Variants in ZNF117 observed in about 807,000 individuals in gnomAD.
ZNF117 encodes the protein Krueppel-related zinc finger protein.
ZNF117 carries 37 observed loss-of-function variants against 41.2 expected under a neutral mutation model. That is an observed-to-expected ratio of 0.90 (90% CI 0.69 to 1.18). The LOEUF (loss-of-function observed/expected upper bound fraction) is 1.18, where lower values mean the gene tolerates loss of function less well. ZNF117 is among the 50% of genes most tolerant of loss of function. The pLI, the probability that ZNF117 is intolerant of heterozygous loss-of-function variation, is 0.00. For missense variants in ZNF117, 546 were observed against 557.5 expected (o/e 0.98, Z 0.21); for synonymous variants, 186 against 186.6 (o/e 1.00, Z 0.02).
rs372156794 is a variant in ZNF117, at chr7:64,978,457, G to C, written c.1114C>G (p.Gln372Glu). The change falls in exon 3 of 3, where the codon CAG (glutamine) becomes GAG (glutamate). Residue 372 changes from glutamine (Q) to glutamate (E), a missense_variant. Transcript: ENST00000620222. ...TTATGTGTATTAAGGGCTGAGGACT[G>C]GTTAAAGGCTTTGCCACATTCTCCA... 6.3e-5 allele frequency: 102 copies of C among 1,612,174 alleles called. No homozygotes were observed. Among genetic ancestry groups the C allele is most frequent in the Middle Eastern group, 1.6e-4 (1 of 6,064 alleles).
chr7:64,978,454 A>G (rs765386557), exon 3 of ZNF117: 1 of 1,610,798 alleles, frequency 6.2e-7, no homozygotes, highest in Non-Finnish European at 8.5e-7. Flanking sequence ...AGGGCTGAGG[A>G]CTGGTTAAAG....
rs950760039 is a variant in ZNF117, at chr7:64,981,103, C to CAA, written c.34+282_34+283dup. 16 of 340,412 alleles carry CAA rather than the reference C, an allele frequency of 4.7e-5. 1 individual carries two copies. The highest frequency in any genetic ancestry group is 2.9e-4 in the African/African-American group (13 of 45,410). The allele number at this position is 340,412 out of a possible 1,614,324, so 21.1% of individuals were successfully genotyped here. ...ATTTGTGTGTCCCCCAAAACAACAA[C>CAA]AAAAAAAAACCAGTCAGATTGTGCA... On this transcript the variant is annotated intron_variant, in intron 2 of 2. Coordinates refer to ENST00000620222, the Ensembl canonical transcript of ZNF117.
intron 1 of ZNF117, among the ~76,000 whole-genome samples, chr7:64,987,639 G>A (rs1786162103): frequency 6.6e-6 from 1 of 152,042 alleles, no homozygotes; most frequent in Admixed American, 6.6e-5. Flanking sequence ...AATAACTGTT[G>A]AAGTCTACTA....
chr7:64,989,705 A>C (rs534547775), intron 1 of ZNF117, among the ~76,000 whole-genome samples: 4 of 151,670 alleles, frequency 2.6e-5, no homozygotes, highest in African/African-American at 9.7e-5. Context: ...AAATATTTGC[A>C]AACTATGCTT....
At chr7:64,987,232 A>T (rs1057089597) in intron 1 of ZNF117, among the ~76,000 whole-genome samples, 40 of 152,320 alleles carry the variant, frequency 2.6e-4, no homozygotes, top group African/African-American at 9.6e-4. Flanking sequence ...CAGAAATAAA[A>T]AAGTTCTTTG....
chr7:64,989,446 TATATATATATA>T (rs1786206951), intron 1 of ZNF117, among the ~76,000 whole-genome samples: 1 of 5,346 alleles, frequency 1.9e-4, no homozygotes, highest in Admixed American at 1.4e-3. Flanking sequence ...CTTAAAATTA[TATATATATATA>T]TATATATATA....
upstream of ZNF117, among the ~76,000 whole-genome samples, chr7:64,983,795 T>A (rs1210411271): frequency 6.6e-6 from 1 of 152,124 alleles, no homozygotes; most frequent in East Asian, 1.9e-4. Flanking sequence ...CATGGGATAG[T>A]AATGGGGCCT....
At chr7:64,978,658 A>G in exon 3 of ZNF117, 1 of 1,612,710 alleles carries the variant, frequency 6.2e-7, no homozygotes. Flanking sequence ...TCACATTTGT[A>G]GGGCTTCTCT....
At chr7:64,981,341 C>T (rs1490920165) in intron 2 of ZNF117, 46 bp downstream of exon 3, 2 of 1,608,334 alleles carry the variant, frequency 1.2e-6, no homozygotes, top group South Asian at 1.1e-5. Context: ...TTCTCCTTGG[C>T]CTTTGACCTC....
At position 64,990,579 on chromosome 7, in the gene ZNF117, T is replaced by C. The variant is rs946154652; in HGVS notation, c.-828A>G. The C allele has an allele frequency of 6.6e-6, 1 of 152,334 alleles. No homozygotes were observed. Among genetic ancestry groups the C allele is most frequent in the South Asian group, 2.1e-4 (1 of 4,852 alleles). The allele number at this position is 152,334 out of a possible 1,614,324, so 9.4% of individuals were successfully genotyped here. On this transcript the variant is annotated 5_prime_UTR_variant, in exon 1 of 4. It removes an upstream start codon present in the reference 5' UTR. Transcript: ENST00000282869. ...AGGTTTTACAACAGGATTTGCAACA[T>C]GAGCCTACCTTACTTAAACATGTCT...
exon 3 of ZNF117, chr7:64,979,103 C>G (rs753172037): frequency 1.2e-6 from 2 of 1,612,786 alleles, no homozygotes; most frequent in East Asian, 2.2e-5. Flanking sequence ...TATGAATTCT[C>G]TTATGTTTAT....
At chr7:64,989,768 T>A (rs557946533) in intron 1 of ZNF117, among the ~76,000 whole-genome samples, 179 bp downstream of exon 1, 87 of 45,752 alleles carry the variant, frequency 1.9e-3, no homozygotes, top group East Asian at 0.01. Flanking sequence ...AAATTTATTT[T>A]AAAAAAAAAG....
chr7:64,984,443 G>A (rs1299262788), upstream of ZNF117, among the ~76,000 whole-genome samples: 1 of 152,130 alleles, frequency 6.6e-6, no homozygotes, highest in Non-Finnish European at 1.5e-5. Context: ...TTCATATAGT[G>A]GAATACATTT....
At chr7:64,987,106 C>A (rs1238485414), upstream of ZNF117, among the ~76,000 whole-genome samples, 1 of 152,106 alleles carries the variant, frequency 6.6e-6, no homozygotes, top group African/African-American at 2.4e-5. Context: ...CACACTCTGA[C>A]CACAACTTGA....
chr7:64,976,313 G>A (rs1334646814), exon 3 of ZNF117: 1 of 152,864 alleles, frequency 6.5e-6, no homozygotes, highest in African/African-American at 2.4e-5. Flanking sequence ...GTGGTGGTGT[G>A]TGCCTGTAGT....
In ZNF117 at chr7:64,982,062, A is replaced by T. The variant is rs1786045017; in HGVS notation, c.-141T>A. The stretch of plus-strand genomic sequence containing the variant: ...AAATTCTGCTGTGCAGTGTCCAGGC[A>T]TTGCCACTCCTCCAAAGAGAATTCT... On this transcript the variant is annotated 5_prime_UTR_variant, in exon 1 of 3. The change abolishes an upstream ATG in the 5' untranslated region. Coordinates refer to ENST00000620222, the Ensembl canonical transcript of ZNF117. 2 of 950,976 alleles carry T rather than the reference A, an allele frequency of 2.1e-6. No homozygotes were observed. The highest frequency in any genetic ancestry group is 3.4e-6 in the Non-Finnish European group (2 of 594,244). The allele number at this position is 950,976 out of a possible 1,614,324, so 58.9% of individuals were successfully genotyped here. A position where few individuals can be genotyped will look rare whatever the true frequency, so the allele number is the denominator to read the frequency against.
At chr7:64,981,547 T>G in intron 1 of ZNF117, 65 bp from the exon 3 acceptor site, 1 of 1,321,620 alleles carries the variant, frequency 7.6e-7, no homozygotes, top group Non-Finnish European at 1.1e-6. Context: ...CTTGGTAATG[T>G]GCTCAGTAAA....
At chr7:64,988,383 A>G (rs995805708) in intron 1 of ZNF117, among the ~76,000 whole-genome samples, 1 of 152,220 alleles carries the variant, frequency 6.6e-6, no homozygotes. Flanking sequence ...GATGCAGAAA[A>G]AGCTTTCAAG....
exon 3 of ZNF117, chr7:64,978,940 G>C (rs758574824): frequency 6.2e-7 from 1 of 1,613,412 alleles, no homozygotes; most frequent in South Asian, 1.1e-5. Context: ...ATTATATTAT[G>C]TGTAGTAAGG....
Sources: allele counts gnomAD v4.1 joint callset (sites outside exome capture counted in the v4.1 genomes callset), GRCh38; gene constraint gnomAD v4.1.1; transcripts MANE v1.5; gene names NCBI Gene and HGNC (gene_info 2026-07-23, HGNC 2026-07-21).